MYRIP: variants seen among roughly 807,000 people sequenced by gnomAD.
MYRIP encodes the protein myosin VIIA and Rab interacting protein.
In MYRIP, 49 loss-of-function variants were observed where a neutral mutation model predicts 98.0. That is an observed-to-expected ratio of 0.50 (90% CI 0.40 to 0.63). The LOEUF (loss-of-function observed/expected upper bound fraction) is 0.63. Ranked by LOEUF, MYRIP falls within the 30% of genes least tolerant of loss-of-function variation. MYRIP has a pLI of 0.00. For missense variants in MYRIP, 1,004 were observed against 1,058.2 expected, an observed-to-expected ratio of 0.95 and a Z score of 0.71; for synonymous variants, 404 against 409.5, an observed-to-expected ratio of 0.99 and a Z score of 0.16.
chr3:40,073,060 G>A (rs973081775), intron 3 of MYRIP, among the ~76,000 whole-genome samples: 1 of 152,120 alleles, frequency 6.6e-6, no homozygotes, highest in Non-Finnish European at 1.5e-5. Flanking sequence ...TTGATAGAAC[G>A]TACAAGAGAA....
intron 2 of MYRIP, among the ~76,000 whole-genome samples, chr3:40,034,489 C>T (rs1236870577): frequency 6.6e-6 from 1 of 151,776 alleles, no homozygotes; most frequent in Non-Finnish European, 1.5e-5. Flanking sequence ...TCATCACTGG[C>T]CATCAGAGAA....
chr3:39,856,910 A>T (rs1575311137), intron 1 of MYRIP, among the ~76,000 whole-genome samples: 1 of 152,186 alleles, frequency 6.6e-6, no homozygotes, highest in Non-Finnish European at 1.5e-5. Flanking sequence ...AGCACCAAAA[A>T]ACACTAAAGA....
intron 2 of MYRIP, among the ~76,000 whole-genome samples, chr3:40,008,521 C>T (rs553104524): frequency 1.7e-4 from 26 of 152,258 alleles, no homozygotes; most frequent in Non-Finnish European, 8.8e-5. Flanking sequence ...TCCAGGGAAA[C>T]AGGAGAGTGT....
chr3:39,892,067 TAA>T (rs1457438704), intron 1 of MYRIP, among the ~76,000 whole-genome samples: 1 of 152,102 alleles, frequency 6.6e-6, no homozygotes, highest in African/African-American at 2.4e-5. Context: ...CCTAAAGTTA[TAA>T]AAAGTTAATA....
intron 4 of MYRIP, among the ~76,000 whole-genome samples, chr3:40,159,968 A>G (rs1471265508): frequency 6.6e-6 from 1 of 152,072 alleles, no homozygotes. Flanking sequence ...GAGTAATTTG[A>G]TCATCTGAAG....
chr3:40,228,335 T>C (rs913269534), intron 11 of MYRIP, among the ~76,000 whole-genome samples: 2 of 152,248 alleles, frequency 1.3e-5, no homozygotes, highest in Non-Finnish European at 2.9e-5. Flanking sequence ...GGCATAAATA[T>C]ACTAAGATTA....
intron 3 of MYRIP, among the ~76,000 whole-genome samples, chr3:40,108,901 C>T (rs926133404): frequency 1.3e-5 from 2 of 152,176 alleles, no homozygotes; most frequent in African/African-American, 4.8e-5. Flanking sequence ...CCAGAGCCCA[C>T]ACCCCACCAC....
rs1381439076 is a variant in MYRIP at position 40,190,398 on chromosome 3, T to C, written c.1600T>C (p.Ser534Pro). 6.2e-7 allele frequency: 1 copy of C among 1,613,116 alleles called. No individual in the cohort carries two copies. Among genetic ancestry groups the C allele is most frequent in the Non-Finnish European group, 8.5e-7 (1 of 1,179,654 alleles). Residue 534 changes from serine (S) to proline (P), a missense_variant, in exon 10 of 17, where the codon TCA becomes CCA. Around this residue, in one of 3 missense-constraint regions of MYRIP, gnomAD observed 880 missense variants for 907.7 expected, o/e 0.97. Coordinates refer to ENST00000302541, the MANE Select transcript of MYRIP (RefSeq NM_015460.4). ...ARRWRRARLG[S>P]EEPSKEPSSP... is the part of the protein sequence containing the mutation. Reference sequence around the variant, plus strand: ...GAGGTGGAGAAGAGCCCGACTGGGCTCAGAAGAGCCAAGCAAAGAACCATC... The same window carrying C: ...GAGGTGGAGAAGAGCCCGACTGGGCCCAGAAGAGCCAAGCAAAGAACCATC...
intron 11 of MYRIP, among the ~76,000 whole-genome samples, chr3:40,213,070 G>T (rs1191648985): frequency 2.6e-5 from 4 of 152,244 alleles, no homozygotes; most frequent in African/African-American, 7.2e-5. Context: ...CCTCCTAACT[G>T]GTCTCCTGAC....
intron 1 of MYRIP, among the ~76,000 whole-genome samples, chr3:39,829,368 A>T (rs1941368100): frequency 6.6e-6 from 1 of 152,212 alleles, no homozygotes; most frequent in Non-Finnish European, 1.5e-5. Context: ...TCTATGGAGA[A>T]TGTTTCACAG....
At position 40,251,957 on chromosome 3, in the gene MYRIP, A is replaced by C. The variant is rs1953390239; in HGVS notation, c.2505A>C (p.Thr835=). ...NHNFILQGSS[T]NRTKERKGTT... ...ACTTCATTCTCCAAGGCTCCTCAACAAACAGGACTAAGGAAAGGAAAGGCA... is the reference window on the plus strand; with the variant it reads ...ACTTCATTCTCCAAGGCTCCTCAACCAACAGGACTAAGGAAAGGAAAGGCA... Residue 835 remains threonine, a synonymous_variant, in exon 16 of 17, where the codon ACA becomes ACC. Transcript: ENST00000302541. 1.2e-6 allele frequency: 2 copies of C among 1,613,464 alleles called. No individual in the cohort carries two copies. Among genetic ancestry groups the C allele is most frequent in the Admixed American group, 1.7e-5 (1 of 59,984 alleles).
intron 3 of MYRIP, among the ~76,000 whole-genome samples, chr3:40,047,673 G>A (rs893731981): frequency 3.3e-5 from 5 of 152,144 alleles, no homozygotes; most frequent in African/African-American, 1.2e-4. Flanking sequence ...TCAATCACAG[G>A]AACCTGTCTA....
intron 2 of MYRIP, among the ~76,000 whole-genome samples, chr3:39,905,969 A>G (rs940222795): frequency 1.3e-5 from 2 of 152,136 alleles, no homozygotes; most frequent in African/African-American, 2.4e-5. Flanking sequence ...TAACTTGCTT[A>G]CTAGTCAAGG....
chr3:39,872,113 A>G (rs1457381533), intron 1 of MYRIP, among the ~76,000 whole-genome samples: 1 of 152,016 alleles, frequency 6.6e-6, no homozygotes, highest in African/African-American at 2.4e-5. Flanking sequence ...TAGAAATCAT[A>G]TTATTTTTCA....
At chr3:40,234,828 CTACAAAAA>C (rs141905213) in intron 12 of MYRIP, among the ~76,000 whole-genome samples, 12,741 of 151,932 alleles carry the variant, frequency 0.084, 769 homozygotes, top group African/African-American at 0.17. Flanking sequence ...AACCCTATCT[CTACAAAAA>C]TACAAAAATT....
At chr3:40,176,285 G>T (rs1367253008) in intron 8 of MYRIP, among the ~76,000 whole-genome samples, 1 of 152,170 alleles carries the variant, frequency 6.6e-6, no homozygotes, top group African/African-American at 2.4e-5. Flanking sequence ...TAAAAATCTA[G>T]TTCTTTGGTC....
intron 3 of MYRIP, among the ~76,000 whole-genome samples, chr3:40,068,148 GA>G (rs1218165457): frequency 2.6e-5 from 4 of 152,128 alleles, no homozygotes; most frequent in Non-Finnish European, 5.9e-5. Flanking sequence ...ATTTTCCTAA[GA>G]AAAACTCTAC....
chr3:39,817,028 A>G (rs549352477), intron 1 of MYRIP, among the ~76,000 whole-genome samples: 2 of 152,324 alleles, frequency 1.3e-5, no homozygotes, highest in South Asian at 2.1e-4. Context: ...GTGTCTGCCT[A>G]CTAAGCATCA....
intron 2 of MYRIP, among the ~76,000 whole-genome samples, chr3:39,931,709 A>G (rs886925418): frequency 2.0e-5 from 3 of 152,048 alleles, no homozygotes; most frequent in African/African-American, 7.2e-5. Context: ...TTGTGCTTTT[A>G]TTTTGAAAGG....
Sources: gnomAD v4.1 joint callset for allele counts (sites outside exome capture counted in the v4.1 genomes callset) on GRCh38, gnomAD v4.1.1 for gene constraint, gnomAD v4.1.1 regional missense constraint, MANE v1.5 for transcripts, NCBI Gene and HGNC (gene_info 2026-07-23, HGNC 2026-07-21) for gene names.